Variants in PARD3B observed in about 807,000 individuals in gnomAD.
PARD3B encodes par-3 family cell polarity regulator beta, also known as partitioning defective 3 homolog B.
A neutral mutation model predicts 130.2 loss-of-function variants in PARD3B; 103 were observed. That is an observed-to-expected ratio of 0.79 (90% CI 0.67 to 0.93). The LOEUF is 0.93. Ranked by LOEUF, PARD3B falls within the 40% of genes least tolerant of loss-of-function variation. The pLI, the probability that PARD3B is intolerant of heterozygous loss-of-function variation, is 0.00. For missense variants in PARD3B, 1,609 were observed against 1,499.2 expected (o/e 1.07, Z -1.21); for synonymous variants, 583 against 553.2 (o/e 1.05, Z -0.76).
At position 204,664,402 on chromosome 2, in the gene PARD3B, A is replaced by T. The variant is rs2035939259; in HGVS notation, c.121-21779A>T. Among the ~76,000 whole-genome samples the T allele has an allele frequency of 6.6e-6, 1 of 152,186 alleles. No individual in the cohort carries two copies. The highest frequency in any genetic ancestry group is 2.1e-4 in the South Asian group (1 of 4,830). ...GCTGGAGAAGTTGTGGCCTGCAAGT[A>T]ACATAAAGCAAATAAAATTTTTGCC... On this transcript the variant is annotated intron_variant, in intron 1 of 22. Coordinates refer to ENST00000406610, the MANE Select transcript of PARD3B (RefSeq NM_001302769.2). This position sits in a 1 kb window ranked among gnomAD's most constrained non-coding sequence, Gnocchi z 5.2.
intron 15 of PARD3B, among the ~76,000 whole-genome samples, chr2:205,213,051 T>C (rs572530942): frequency 7.1e-4 from 108 of 152,216 alleles, no homozygotes; most frequent in African/African-American, 2.5e-3. Context: ...TCAGGCACAT[T>C]TAACTTTGAT....
In PARD3B at chr2:205,254,088, TAA is replaced by T. The variant is rs11287171; in HGVS notation, c.2185+8290_2185+8291del. Reference sequence around the variant, plus strand: ...GTGGTATCATTAGTTGTAGAGAAATTAAAAAAAAAAAAAAAAAAAAAAAAAGC... The same window carrying T: ...GTGGTATCATTAGTTGTAGAGAAATTAAAAAAAAAAAAAAAAAAAAAAAGC... On this transcript the variant is annotated intron_variant, in intron 16 of 22. Transcript: ENST00000406610. Among the ~76,000 whole-genome samples the T allele has an allele frequency of 7.8e-3, 595 of 75,962 alleles. 2 individuals are homozygous for T. Among genetic ancestry groups the T allele is most frequent in the Middle Eastern group, 0.018 (2 of 112 alleles). The allele number at this position is 75,962 out of a possible 152,430, so 49.8% of individuals were successfully genotyped here. A position where few individuals can be genotyped will look rare whatever the true frequency, so the allele number is the denominator to read the frequency against.
At chr2:205,235,394 C>A (rs886357091) in intron 15 of PARD3B, among the ~76,000 whole-genome samples, 13 of 152,070 alleles carry the variant, frequency 8.5e-5, no homozygotes, top group African/African-American at 2.9e-4. Context: ...TGCACTCCAG[C>A]CTGGACAATG....
chr2:205,544,439 G>A (rs1034972516), intron 21 of PARD3B, among the ~76,000 whole-genome samples: 2 of 152,066 alleles, frequency 1.3e-5, no homozygotes, highest in African/African-American at 2.4e-5. Flanking sequence ...AGGCACATAC[G>A]CACACGTGCA....
chr2:205,417,354 AG>A (rs1415008194), intron 19 of PARD3B, among the ~76,000 whole-genome samples: 6 of 152,048 alleles, frequency 3.9e-5, no homozygotes, highest in African/African-American at 1.4e-4. Context: ...GTTGGTTCCA[AG>A]TCTTTGCTAT....
rs905556527 is a variant in PARD3B at position 205,281,672 on chromosome 2, A to T, written c.2186-18858A>T. Among the ~76,000 whole-genome samples, 5 of 152,340 alleles carry T rather than the reference A, an allele frequency of 3.3e-5. No homozygotes were observed. Among genetic ancestry groups the T allele is most frequent in the Non-Finnish European group, 2.9e-5 (2 of 68,030 alleles). On this transcript the variant is annotated intron_variant, in intron 16 of 22. Transcript: ENST00000406610. The surrounding 1 kb of genome is among the most constrained non-coding windows in gnomAD (Gnocchi z 4.2). Reference sequence around the variant, plus strand: ...GTACTTTACTTTTCTAAGACACTATATAACCTGCACTCGGAAGGCAGGCAA... The same window carrying T: ...GTACTTTACTTTTCTAAGACACTATTTAACCTGCACTCGGAAGGCAGGCAA...
chr2:205,285,005 T>TG lies in PARD3B; in HGVS notation c.2186-15525_2186-15524insG, dbSNP rs1041334599. Among the ~76,000 whole-genome samples the TG allele has an allele frequency of 1.4e-4, 22 of 151,772 alleles. No homozygotes were observed. The South Asian group carries it at 1.7e-3, about 12-fold the overall frequency. Reference sequence around the variant, plus strand: ...TAAGCACAAAACAGTTTTTTTTTTTTTTTGTGGGAGTATTAGCAGTGAACC... The same window carrying TG: ...TAAGCACAAAACAGTTTTTTTTTTTTGTTTGTGGGAGTATTAGCAGTGAACC... On this transcript the variant is annotated intron_variant, in intron 16 of 22. Coordinates refer to ENST00000406610, the MANE Select transcript of PARD3B (RefSeq NM_001302769.2).
intron 19 of PARD3B, among the ~76,000 whole-genome samples, chr2:205,419,707 G>A (rs1401801934): frequency 6.6e-6 from 1 of 152,208 alleles, no homozygotes; most frequent in Non-Finnish European, 1.5e-5. Context: ...AGCCAGGAGG[G>A]AAACGGGGAA....
At chr2:204,912,325 A>G (rs2047269312) in intron 2 of PARD3B, among the ~76,000 whole-genome samples, 1 of 152,170 alleles carries the variant, frequency 6.6e-6, no homozygotes, top group Non-Finnish European at 1.5e-5. Context: ...ATGTTTTTAT[A>G]TCTTTGGATC....
intron 2 of PARD3B, among the ~76,000 whole-genome samples, chr2:204,901,086 C>T (rs1389212139): frequency 6.6e-6 from 1 of 152,078 alleles, no homozygotes; most frequent in Admixed American, 6.5e-5. Flanking sequence ...TGCCCAAGAC[C>T]TGTGATAACC....
chr2:205,048,279 T>C (rs928890926), intron 4 of PARD3B: 3 of 151,906 alleles, frequency 2.0e-5, no homozygotes, highest in African/African-American at 7.3e-5. Context: ...GAACTCAGCA[T>C]TCAGATTGAA....
At chr2:205,574,762 T>A (rs1006309237) in intron 22 of PARD3B, among the ~76,000 whole-genome samples, 1 of 151,074 alleles carries the variant, frequency 6.6e-6, no homozygotes, top group Non-Finnish European at 1.5e-5. Context: ...TGTGAGAATA[T>A]CTTATTCTTT....
chr2:205,062,479 T>C (rs1700119477), intron 4 of PARD3B, among the ~76,000 whole-genome samples: 1 of 152,156 alleles, frequency 6.6e-6, no homozygotes, highest in African/African-American at 2.4e-5. Context: ...TTTATAATTC[T>C]GTCACAAACA....
intron 2 of PARD3B, among the ~76,000 whole-genome samples, chr2:204,692,458 T>G (rs1316308790): frequency 6.6e-6 from 1 of 151,854 alleles, no homozygotes; most frequent in African/African-American, 2.4e-5. Context: ...ATGAAGTATA[T>G]TGTGTTTTCT....
intron 21 of PARD3B, among the ~76,000 whole-genome samples, chr2:205,522,916 G>A (rs1256604610): frequency 6.6e-6 from 1 of 151,918 alleles, no homozygotes; most frequent in African/African-American, 2.4e-5. Flanking sequence ...TATTGTTTTT[G>A]ATATTGTAAA....
At position 204,813,280 on chromosome 2, in the gene PARD3B, TAAC is replaced by T. The variant is rs1376612638; in HGVS notation, c.222+126999_222+127001del. Among the ~76,000 whole-genome samples the T allele has an allele frequency of 2.0e-5, 3 of 152,314 alleles. No individual in the cohort carries two copies. The East Asian group carries it at 5.8e-4, about 29-fold the overall frequency. On this transcript the variant is annotated intron_variant, in intron 2 of 22. Transcript: ENST00000406610. The stretch of plus-strand genomic sequence containing the variant: ...GTTATGATTTGCATTTCCCTAATAA[TAAC>T]GTTGAGCCTCTTTTTATGTACTTCT...
intron 16 of PARD3B, among the ~76,000 whole-genome samples, chr2:205,285,089 T>G (rs1049079812): frequency 3.9e-5 from 6 of 152,038 alleles, no homozygotes; most frequent in Non-Finnish European, 7.4e-5. Context: ...TGTTTTTATA[T>G]TTTTATTGTA....
At chr2:204,942,551 A>G (rs1045755545) in intron 2 of PARD3B, among the ~76,000 whole-genome samples, 1 of 152,142 alleles carries the variant, frequency 6.6e-6, no homozygotes, top group African/African-American at 2.4e-5. Flanking sequence ...AGTGAGAGGA[A>G]AACCTCTTTC....
intron 1 of PARD3B, among the ~76,000 whole-genome samples, chr2:204,614,061 C>T (rs2034022952): frequency 6.6e-6 from 1 of 151,652 alleles, no homozygotes; most frequent in South Asian, 2.1e-4. Flanking sequence ...TTTTTTTTAA[C>T]TGATTCGTGT....
Sources: gnomAD v4.1 joint callset for allele counts (sites outside exome capture counted in the v4.1 genomes callset) on GRCh38, gnomAD v4.1.1 for gene constraint, Gnocchi (gnomAD v3.1) non-coding constraint, MANE v1.5 for transcripts, NCBI Gene and HGNC (gene_info 2026-07-23, HGNC 2026-07-21) for gene names.